Variants in DLGAP1 observed in about 807,000 individuals in gnomAD.
The protein encoded by DLGAP1 is DLG associated protein 1.
A neutral mutation model predicts 90.8 loss-of-function variants in DLGAP1; 11 were observed. The ratio of observed to expected loss-of-function variants is 0.12; its 90% CI spans 0.08 to 0.20. DLGAP1 has a LOEUF of 0.20. Among genes scored for constraint, DLGAP1 ranks in the 10% least tolerant of loss-of-function variants. The probability of loss-of-function intolerance (pLI) is 1.00; values close to 1 mark genes in which losing one functional copy is unlikely to be tolerated. For synonymous variants in DLGAP1, 558 were observed against 540.7 expected (o/e 1.03, Z -0.44); for missense variants, 1,050 against 1,333.8 (o/e 0.79, Z 3.31).
chr18:4,229,961 A>G (rs118068961), intron 1 of DLGAP1, among the ~76,000 whole-genome samples: 2,501 of 152,198 alleles, frequency 0.016, 28 homozygotes, highest in Non-Finnish European at 0.024. Context: ...TAATAATGCA[A>G]CTAAAAATGG....
At chr18:4,169,216 T>C (rs1568431335) in intron 1 of DLGAP1, among the ~76,000 whole-genome samples, 1 of 152,224 alleles carries the variant, frequency 6.6e-6, no homozygotes, top group South Asian at 2.1e-4. Flanking sequence ...GTATTTGTTA[T>C]ATTCTGTTTT....
intron 1 of DLGAP1, among the ~76,000 whole-genome samples, chr18:4,188,896 A>G: frequency 6.6e-6 from 1 of 152,142 alleles, no homozygotes; most frequent in East Asian, 1.9e-4. Flanking sequence ...AATCAAATAA[A>G]TTTACCCAGA....
At chr18:4,011,962 T>C (rs1228668400) in intron 2 of DLGAP1, among the ~76,000 whole-genome samples, 1 of 152,182 alleles carries the variant, frequency 6.6e-6, no homozygotes, top group African/African-American at 2.4e-5. Context: ...GAGACCTGTA[T>C]CCACATTTAT....
intron 7 of DLGAP1, among the ~76,000 whole-genome samples, chr18:3,683,524 T>C (rs1290387451): frequency 2.0e-5 from 3 of 152,194 alleles, no homozygotes; most frequent in African/African-American, 4.8e-5. Flanking sequence ...TGATAGACGA[T>C]GCATTTCAGT....
chr18:4,276,751 T>C (rs2079426050), intron 1 of DLGAP1, among the ~76,000 whole-genome samples: 1 of 152,206 alleles, frequency 6.6e-6, no homozygotes. Flanking sequence ...TTTTTATGCA[T>C]AAGGTCAGAG....
intron 1 of DLGAP1, among the ~76,000 whole-genome samples, chr18:4,231,707 T>C (rs2078302384): frequency 6.6e-6 from 1 of 152,226 alleles, no homozygotes; most frequent in Non-Finnish European, 1.5e-5. Context: ...AAATTCTTTA[T>C]TTTAAAAACT....
At chr18:4,238,593 A>T (rs552478840) in intron 1 of DLGAP1, among the ~76,000 whole-genome samples, 1 of 152,172 alleles carries the variant, frequency 6.6e-6, no homozygotes, top group Non-Finnish European at 1.5e-5. Context: ...CCTTCAAAAA[A>T]CTTACTCAGT....
intron 1 of DLGAP1, among the ~76,000 whole-genome samples, chr18:4,289,404 C>T (rs1291066843): frequency 6.6e-6 from 1 of 152,142 alleles, no homozygotes; most frequent in Non-Finnish European, 1.5e-5. Context: ...TGAAGAATGA[C>T]AGGAGTTATT....
chr18:4,298,762 TTAAA>T (rs1426525935), intron 1 of DLGAP1, among the ~76,000 whole-genome samples: 2 of 135,912 alleles, frequency 1.5e-5, no homozygotes. Context: ...ACCCTAAAAT[TTAAA>T]TAAATAAAAA....
At chr18:3,927,783 A>G (rs2072424946) in intron 3 of DLGAP1, among the ~76,000 whole-genome samples, 1 of 152,166 alleles carries the variant, frequency 6.6e-6, no homozygotes, top group Non-Finnish European at 1.5e-5. Context: ...TAAAAGTTGT[A>G]CATTTTACAT....
At chr18:3,630,826 G>GT (rs1248332748) in intron 7 of DLGAP1, among the ~76,000 whole-genome samples, 5 of 152,122 alleles carry the variant, frequency 3.3e-5, no homozygotes, top group Non-Finnish European at 7.3e-5. Flanking sequence ...CTTTTCAAGA[G>GT]TATCTTGGCT....
At chr18:4,265,096 T>C (rs1288567381) in intron 1 of DLGAP1, among the ~76,000 whole-genome samples, 1 of 151,660 alleles carries the variant, frequency 6.6e-6, no homozygotes, top group Admixed American at 6.6e-5. Context: ...ATCATATTAA[T>C]GTAATTTTTC....
intron 1 of DLGAP1, among the ~76,000 whole-genome samples, chr18:4,322,924 G>A (rs1428382335): frequency 1.6e-5 from 2 of 121,326 alleles, no homozygotes; most frequent in East Asian, 2.6e-4. Context: ...TTGTGCCACT[G>A]CACTCCAGCC....
At chr18:4,331,865 C>T (rs917351070) in intron 1 of DLGAP1, among the ~76,000 whole-genome samples, 8 of 151,910 alleles carry the variant, frequency 5.3e-5, no homozygotes, top group African/African-American at 1.9e-4. Flanking sequence ...TCACTTTATT[C>T]ATTCATTCTC....
chr18:3,562,796 T>C (rs907907370), intron 9 of DLGAP1, among the ~76,000 whole-genome samples: 2 of 151,590 alleles, frequency 1.3e-5, no homozygotes, highest in African/African-American at 2.4e-5. Flanking sequence ...TGGCCAGATA[T>C]AACTCTTATC....
At chr18:4,178,914 T>G (rs900540876) in intron 1 of DLGAP1, among the ~76,000 whole-genome samples, 5 of 152,200 alleles carry the variant, frequency 3.3e-5, no homozygotes, top group African/African-American at 1.2e-4. Flanking sequence ...TATATGATGC[T>G]AGATTATCTT....
intron 1 of DLGAP1, among the ~76,000 whole-genome samples, chr18:4,360,348 ACAAAG>A (rs2081605434): frequency 1.3e-5 from 2 of 152,230 alleles, no homozygotes; most frequent in African/African-American, 4.8e-5. Context: ...CAAAAGTGAG[ACAAAG>A]CAAAAGGAGT....
chr18:4,383,596 A>G lies in DLGAP1; in HGVS notation c.-267+71410T>C, dbSNP rs2082174118. Among the ~76,000 whole-genome samples the G allele has an allele frequency of 6.6e-6, 1 of 152,086 alleles. No individual in the cohort carries two copies. The highest frequency in any genetic ancestry group is 1.5e-5 in the Non-Finnish European group (1 of 67,998). On this transcript the variant is annotated intron_variant, in intron 1 of 12. Coordinates refer to ENST00000315677, the MANE Select transcript of DLGAP1 (RefSeq NM_004746.4). The surrounding 1 kb of genome is among the most constrained non-coding windows in gnomAD (Gnocchi z 4.0). ...GAGTATCCTTGCTCATTAAAAAAAAAGGGATGTTTACCTATGAGAATCAAG... is the reference window on the plus strand; with the variant it reads ...GAGTATCCTTGCTCATTAAAAAAAAGGGGATGTTTACCTATGAGAATCAAG...
chr18:3,685,809 T>C (rs1318751787), intron 7 of DLGAP1, among the ~76,000 whole-genome samples: 1 of 152,116 alleles, frequency 6.6e-6, no homozygotes, highest in African/African-American at 2.4e-5. Context: ...AGGAGCACAT[T>C]GTATAATCAA....
Sources: allele counts gnomAD v4.1 joint callset (sites outside exome capture counted in the v4.1 genomes callset), GRCh38; gene constraint gnomAD v4.1.1; non-coding constraint Gnocchi (gnomAD v3.1); transcripts MANE v1.5; gene names NCBI Gene and HGNC (gene_info 2026-07-23, HGNC 2026-07-21).